Variants in DYRK1A observed in about 807,000 individuals in gnomAD.
DYRK1A encodes the protein dual specificity tyrosine phosphorylation regulated kinase 1A.
Under a neutral mutation model 79.7 loss-of-function variants are expected in DYRK1A, and 9 were observed. That is an observed-to-expected ratio of 0.11 (90% CI 0.07 to 0.20). The LOEUF (loss-of-function observed/expected upper bound fraction) is 0.20, where lower values mean the gene tolerates loss of function less well. Among genes scored for constraint, DYRK1A ranks in the 10% least tolerant of loss-of-function variants. The pLI is 1.00. For synonymous variants in DYRK1A, 349 were observed against 329.7 expected (o/e 1.06, Z -0.63); for missense variants, 622 against 956.0 (o/e 0.65, Z 4.61).
intron 1 of DYRK1A, among the ~76,000 whole-genome samples, chr21:37,389,596 T>A (rs890621350): frequency 6.6e-6 from 1 of 152,180 alleles, no homozygotes; most frequent in African/African-American, 2.4e-5. Context: ...TCTGCTTGTT[T>A]TGGTTTCTTT....
At chr21:37,471,610 T>C (rs1202938906) in intron 2 of DYRK1A, among the ~76,000 whole-genome samples, 1 of 152,236 alleles carries the variant, frequency 6.6e-6, no homozygotes, top group Non-Finnish European at 1.5e-5. Context: ...GGTATTATTA[T>C]CATTATCAGG....
intron 1 of DYRK1A, among the ~76,000 whole-genome samples, chr21:37,413,540 C>T (rs1375478626): frequency 2.6e-5 from 4 of 152,114 alleles, no homozygotes; most frequent in Non-Finnish European, 4.4e-5. Context: ...GAAGGGCTTG[C>T]AGGTTACTGA....
intron 1 of DYRK1A, among the ~76,000 whole-genome samples, chr21:37,407,261 T>C (rs1314465419): frequency 1.3e-5 from 2 of 152,174 alleles, no homozygotes; most frequent in Admixed American, 1.3e-4. Flanking sequence ...GTAGACAGCC[T>C]GAAGGTAATT....
chr21:37,418,328 A>AATGG (rs1361938247), intron 1 of DYRK1A, among the ~76,000 whole-genome samples: 1 of 152,210 alleles, frequency 6.6e-6, no homozygotes, highest in African/African-American at 2.4e-5. Context: ...AGTAATGATT[A>AATGG]ATGGATAATG....
intron 6 of DYRK1A, chr21:37,486,917 G>A (rs1022081434): frequency 3.1e-5 from 6 of 192,774 alleles, no homozygotes; most frequent in Admixed American, 1.2e-4. Context: ...TTTATCCATA[G>A]GGTCATCTTT....
chr21:37,422,424 C>G (rs781683179), intron 2 of DYRK1A, among the ~76,000 whole-genome samples: 15 of 152,078 alleles, frequency 9.9e-5, no homozygotes, highest in African/African-American at 2.7e-4. Context: ...AGATGTTCAC[C>G]GAAAGTTGTT....
At chr21:37,501,363 G>A (rs944171039) in intron 9 of DYRK1A, 2 of 151,858 alleles carry the variant, frequency 1.3e-5, no homozygotes, top group African/African-American at 4.8e-5. Context: ...TAGAGACGGG[G>A]TTTCACCATA....
At chr21:37,455,452 T>C (rs2051604585) in intron 2 of DYRK1A, among the ~76,000 whole-genome samples, 1 of 152,176 alleles carries the variant, frequency 6.6e-6, no homozygotes, top group African/African-American at 2.4e-5. Context: ...GGAGACATTA[T>C]CAACTAATTT....
chr21:37,405,000 G>A (rs2050122358), intron 1 of DYRK1A, among the ~76,000 whole-genome samples: 1 of 152,146 alleles, frequency 6.6e-6, no homozygotes, highest in Non-Finnish European at 1.5e-5. Context: ...TTGCTCTTAC[G>A]GCATGTACAT....
At chr21:37,436,905 G>A (rs1490707594) in intron 2 of DYRK1A, among the ~76,000 whole-genome samples, 1 of 152,208 alleles carries the variant, frequency 6.6e-6, no homozygotes, top group East Asian at 1.9e-4. Context: ...GGTGGAGTAT[G>A]GAGTATCCAT....
chr21:37,520,204 C>T lies in DYRK1A; in HGVS notation c.*7673C>T, dbSNP rs1455231900. The T allele has an allele frequency of 1.3e-5, 2 of 152,212 alleles. No homozygotes were observed. Among genetic ancestry groups the T allele is most frequent in the Non-Finnish European group, 2.9e-5 (2 of 68,034 alleles). 9.4% of individuals were successfully genotyped at this position (152,212 alleles called of 1,614,324 possible). On this transcript the variant is annotated 3_prime_UTR_variant, in exon 12 of 12. Coordinates refer to ENST00000647188, the MANE Select transcript of DYRK1A (RefSeq NM_001347721.2). The stretch of plus-strand genomic sequence containing the variant: ...TGGTCATTAGACCCTTGTGATCACG[C>T]ATCCAGGGGCCAGTCCCCACCCTTT...
intron 2 of DYRK1A, among the ~76,000 whole-genome samples, chr21:37,450,076 C>T (rs979691139): frequency 2.0e-5 from 3 of 152,188 alleles, no homozygotes; most frequent in Non-Finnish European, 2.9e-5. Flanking sequence ...TGAGCCTCAA[C>T]TTTCCTGCCT....
intron 1 of DYRK1A, among the ~76,000 whole-genome samples, chr21:37,381,280 AG>A (rs1244283911): frequency 6.6e-6 from 1 of 152,230 alleles, no homozygotes; most frequent in East Asian, 1.9e-4. Flanking sequence ...AAAAAGGAAA[AG>A]ATGAAGTTTT....
At chr21:37,433,371 G>A (rs1237572885) in intron 2 of DYRK1A, among the ~76,000 whole-genome samples, 1 of 152,164 alleles carries the variant, frequency 6.6e-6, no homozygotes, top group Admixed American at 6.6e-5. Context: ...AGGTGGACCA[G>A]GAAACAGTCC....
At chr21:37,503,703 C>T (rs1241340402) in intron 9 of DYRK1A, 1 of 152,166 alleles carries the variant, frequency 6.6e-6, no homozygotes, top group East Asian at 1.9e-4. Context: ...TGAGCCCAGC[C>T]TATATTTTTT....
chr21:37,512,694 G>C lies in DYRK1A; in HGVS notation c.*163G>C, dbSNP rs908977846. ...TTTTTAACTTGAAAAGATTGCAAAG[G>C]GACATTGAAGTGTTTAAAAGAGCCA... On this transcript the variant is annotated 3_prime_UTR_variant, in exon 12 of 12. Transcript: ENST00000647188. 4.5e-5 allele frequency: 35 copies of C among 776,690 alleles called. No homozygotes were observed. The East Asian group carries it at 9.1e-4, about 20-fold the overall frequency. 48.1% of individuals were successfully genotyped at this position (776,690 alleles called of 1,614,324 possible).
intron 1 of DYRK1A, among the ~76,000 whole-genome samples, chr21:37,417,244 G>A (rs1421984377): frequency 2.0e-5 from 3 of 152,066 alleles, no homozygotes; most frequent in South Asian, 4.1e-4. Context: ...AGGCTGGAGT[G>A]CAATGGCATG....
intron 1 of DYRK1A, among the ~76,000 whole-genome samples, chr21:37,396,124 C>T (rs903539200): frequency 1.3e-5 from 2 of 152,006 alleles, no homozygotes; most frequent in African/African-American, 4.8e-5. Context: ...GTGCCCTTGT[C>T]CTCTAGGAAG....
intron 8 of DYRK1A, among the ~76,000 whole-genome samples, chr21:37,493,933 CTTTTTTTTTTTTTTT>C (rs35158368): frequency 1.8e-5 from 2 of 114,228 alleles, no homozygotes. Flanking sequence ...TTTAATTCTT[CTTTTTTTTTTTTTTT>C]TTTTTTCCCG....
Sources: allele counts gnomAD v4.1 joint callset (sites outside exome capture counted in the v4.1 genomes callset), GRCh38; gene constraint gnomAD v4.1.1; transcripts MANE v1.5; gene names NCBI Gene and HGNC (gene_info 2026-07-23, HGNC 2026-07-21).